NDUFS1: variants seen among roughly 807,000 people sequenced by gnomAD.
NDUFS1 encodes NADH-ubiquinone oxidoreductase 75 kDa subunit, mitochondrial.
A neutral mutation model predicts 84.4 loss-of-function variants in NDUFS1; 61 were observed. The observed-to-expected ratio is 0.72, with a 90% CI of 0.59 to 0.89. NDUFS1 has a LOEUF of 0.89. Ranked by LOEUF, NDUFS1 falls within the 40% of genes least tolerant of loss-of-function variation. The probability of loss-of-function intolerance (pLI) is 0.00; values close to 1 mark genes in which losing one functional copy is unlikely to be tolerated. For missense variants in NDUFS1, 891 were observed against 890.0 expected (o/e 1.00, Z -0.01); for synonymous variants, 275 against 290.0 (o/e 0.95, Z 0.53).
intron 10 of NDUFS1, among the ~76,000 whole-genome samples, chr2:206,143,653 C>A (rs1227406104): frequency 6.6e-6 from 1 of 151,672 alleles, no homozygotes; most frequent in African/African-American, 2.4e-5. Context: ...GCGATCTCGG[C>A]TCACTGCAAC....
At chr2:206,139,592 T>C (rs1691854458) in intron 12 of NDUFS1, among the ~76,000 whole-genome samples, 1 of 152,150 alleles carries the variant, frequency 6.6e-6, no homozygotes, top group Non-Finnish European at 1.5e-5. Flanking sequence ...TTAAACATTT[T>C]CATAATTCAT....
At chr2:206,154,747 C>CCCAG (rs1687567907) in intron 1 of NDUFS1, among the ~76,000 whole-genome samples, 1 of 152,104 alleles carries the variant, frequency 6.6e-6, no homozygotes, top group Non-Finnish European at 1.5e-5. Flanking sequence ...CCTCAGCCTC[C>CCCAG]TGAAGAGCTG....
intron 2 of NDUFS1, 126 bp downstream of exon 2, chr2:206,153,492 G>A (rs974467140): frequency 4.4e-5 from 28 of 638,716 alleles, no homozygotes; most frequent in African/African-American, 1.3e-4. Context: ...CACCACACCC[G>A]GCCGGTTTCT....
chr2:206,143,124 C>T (rs1041001991), intron 10 of NDUFS1, among the ~76,000 whole-genome samples: 2 of 152,140 alleles, frequency 1.3e-5, no homozygotes, highest in African/African-American at 2.4e-5. Flanking sequence ...TGGTGGCATA[C>T]GCCTGTATCC....
Position 206,120,180 on chromosome 2 carries a change from T to G in NDUFS1, c.*4005A>C, listed in dbSNP as rs985373474. On this transcript the variant is annotated 3_prime_UTR_variant, in exon 19 of 19. Transcript: ENST00000233190. ...TGCTTTGTGTACAGCCTGCAGAAAC[T>G]GTAAGCCAATTAAATCTCTCTTTTG... is the stretch of plus-strand genomic sequence containing the variant. The G allele has an allele frequency of 1.3e-5, 2 of 152,270 alleles. No individual in the cohort carries two copies. The highest frequency in any genetic ancestry group is 4.8e-5 in the African/African-American group (2 of 41,440). The allele number at this position is 152,270 out of a possible 1,614,324, so 9.4% of individuals were successfully genotyped here.
At chr2:206,127,661 G>C in intron 16 of NDUFS1, 136 bp downstream of exon 16, 1 of 959,240 alleles carries the variant, frequency 1.0e-6, no homozygotes, top group African/African-American at 1.6e-5. Context: ...CTGAATACAT[G>C]TTTTCTATAG....
intron 4 of NDUFS1, 31 bp downstream of exon 4, chr2:206,149,787 A>G: frequency 6.6e-7 from 1 of 1,504,280 alleles, no homozygotes; most frequent in Non-Finnish European, 9.3e-7. Flanking sequence ...TACCTTCTAC[A>G]GCATGGTGTA....
chr2:206,142,707 A>G lies in NDUFS1; in HGVS notation c.1112T>C (p.Val371Ala). 6.2e-7 allele frequency: 1 copy of G among 1,614,148 alleles called. No individual in the cohort carries two copies. The highest frequency in any genetic ancestry group is 8.5e-7 in the Non-Finnish European group (1 of 1,180,022). The part of the protein sequence containing the change: ...VDSDTLCTEE[V>A]FPTAGAGTDL... ...TCACCCAGCTCCTGCAGTGGGGAAG[A>G]CCTCTTCAGTGCATAAGGTGTCAGA... Residue 371 changes from valine (V) to alanine (A), a missense_variant, in exon 11 of 19, where the codon GTC becomes GCC. Val to Ala is a moderately conservative substitution (Grantham distance 64). Transcript: ENST00000233190.
At chr2:206,143,586 CTT>C (rs202112175) in intron 10 of NDUFS1, among the ~76,000 whole-genome samples, 3 of 144,722 alleles carry the variant, frequency 2.1e-5, no homozygotes, top group African/African-American at 2.5e-5. Context: ...AGGAAGGCAG[CTT>C]TTTTTTTTTT....
chr2:206,127,730 TTC>T (rs1364415541), intron 16 of NDUFS1, 65 bp downstream of exon 16: 1 of 1,539,850 alleles, frequency 6.5e-7, no homozygotes, highest in African/African-American at 1.4e-5. Context: ...TTGAAAATCA[TTC>T]TAACAGGCTA....
intron 13 of NDUFS1, among the ~76,000 whole-genome samples, chr2:206,136,781 G>A (rs560328899): frequency 6.9e-6 from 1 of 145,138 alleles, no homozygotes; most frequent in Admixed American, 7.0e-5. Flanking sequence ...TTGAGACAGG[G>A]TTTCACTCCT....
intron 2 of NDUFS1, 145 bp downstream of exon 2, chr2:206,153,473 G>C: frequency 1.7e-6 from 1 of 591,398 alleles, no homozygotes. Context: ...TAGGATTACA[G>C]GCATGAGCCA....
chr2:206,137,983 C>T (rs1326489470), intron 13 of NDUFS1, among the ~76,000 whole-genome samples: 1 of 152,148 alleles, frequency 6.6e-6, no homozygotes, highest in Admixed American at 6.5e-5. Context: ...TCTTGCTTTG[C>T]TCTCTACATA....
Position 206,149,030 on chromosome 2 carries a change from T to C in NDUFS1, c.328A>G (p.Lys110Glu). 1.9e-6 allele frequency: 3 copies of C among 1,611,114 alleles called. No homozygotes were observed. The highest frequency in any genetic ancestry group is 2.5e-6 in the Non-Finnish European group (3 of 1,177,426). The change falls in exon 5 of 19, where the codon AAA becomes GAA. Residue 110 changes from lysine to glutamate, a missense_variant. Lys to Glu is a moderately conservative substitution (Grantham distance 56, BLOSUM62 1). Coordinates refer to ENST00000233190, the MANE Select transcript of NDUFS1 (RefSeq NM_005006.7). ...ATAACAATAAAGTACCTGGCTTTTT[T>C]GGATTTTTCTGAGTTTGTTAGGATA... ...WNILTNSEKS[K>E]KAREGVMEFL... is the part of the protein sequence containing the mutation.
chr2:206,146,573 T>C (rs2105973232), intron 8 of NDUFS1, among the ~76,000 whole-genome samples: 1 of 152,336 alleles, frequency 6.6e-6, no homozygotes, highest in South Asian at 2.1e-4. Context: ...ACTGGCTAAA[T>C]GACATTCCTC....
At chr2:206,153,298 C>G (rs1692446565) in intron 2 of NDUFS1, among the ~76,000 whole-genome samples, 1 of 151,392 alleles carries the variant, frequency 6.6e-6, no homozygotes, top group Admixed American at 6.6e-5. Context: ...CGGGTTTAAG[C>G]TATTCTTGTG....
intron 12 of NDUFS1, 51 bp from the exon 13 acceptor site, chr2:206,138,665 C>T: frequency 6.4e-7 from 1 of 1,570,182 alleles, no homozygotes; most frequent in East Asian, 2.2e-5. Flanking sequence ...TAAGCAGTTA[C>T]TGGTCTCATC....
intron 10 of NDUFS1, 126 bp from the exon 11 acceptor site, chr2:206,142,957 A>G: frequency 7.3e-7 from 1 of 1,360,742 alleles, no homozygotes. Flanking sequence ...TCTGATTAAA[A>G]GTTTTACAAC....
chr2:206,137,180 T>C (rs1427955227), intron 13 of NDUFS1, among the ~76,000 whole-genome samples: 1 of 152,172 alleles, frequency 6.6e-6, no homozygotes, highest in African/African-American at 2.4e-5. Context: ...CTTTAAGACA[T>C]ATTTTGGTGA....
Sources: gnomAD v4.1 joint callset for allele counts (sites outside exome capture counted in the v4.1 genomes callset) on GRCh38, gnomAD v4.1.1 for gene constraint, MANE v1.5 for transcripts, NCBI Gene and HGNC (gene_info 2026-07-23, HGNC 2026-07-21) for gene names.